RAB38: variants seen among roughly 807,000 people sequenced by gnomAD.
RAB38 encodes the protein RAB38, member RAS oncogene family, also known as ras-related protein Rab-38.
In RAB38, 15 loss-of-function variants were observed where a neutral mutation model predicts 18.4. That is an observed-to-expected ratio of 0.82 (90% CI 0.55 to 1.26). The LOEUF is 1.26. Among genes scored for constraint, RAB38 ranks in the 50% most tolerant of loss-of-function variants. The pLI, the probability that RAB38 is intolerant of heterozygous loss-of-function variation, is 0.00. For synonymous variants in RAB38, 101 were observed against 104.4 expected (o/e 0.97, Z 0.20); for missense variants, 294 against 267.4 (o/e 1.10, Z -0.69).
chr11:87,909,007 T>A, the RAB38 span, among the ~76,000 whole-genome samples: 9 of 152,130 alleles, frequency 5.9e-5, no homozygotes, highest in African/African-American at 1.9e-4. Context: ...AAGCAGAGGA[T>A]GCTTCAGTGT....
the RAB38 span, among the ~76,000 whole-genome samples, chr11:87,831,398 T>G: frequency 6.6e-6 from 1 of 152,082 alleles, no homozygotes; most frequent in African/African-American, 2.4e-5. Context: ...ACTAAATAAG[T>G]GCCAAAGAGC....
At chr11:87,881,892 A>G in the RAB38 span, among the ~76,000 whole-genome samples, 6 of 151,864 alleles carry the variant, frequency 4.0e-5, no homozygotes, top group Non-Finnish European at 8.8e-5. Context: ...CTGATGCTCA[A>G]TGAGCAAAGG....
chr11:88,169,992 C>T (rs1181549833), intron 1 of RAB38, among the ~76,000 whole-genome samples: 4 of 152,114 alleles, frequency 2.6e-5, no homozygotes, highest in Non-Finnish European at 5.9e-5. Context: ...GCTGAAGAAA[C>T]CAATCACACA....
the RAB38 span, among the ~76,000 whole-genome samples, chr11:88,004,443 A>C: frequency 6.6e-6 from 1 of 151,260 alleles, no homozygotes; most frequent in Non-Finnish European, 1.5e-5. Context: ...ATCAAAAACT[A>C]TCAGAAAACC....
chr11:87,862,311 A>G, the RAB38 span, among the ~76,000 whole-genome samples: 2 of 152,028 alleles, frequency 1.3e-5, no homozygotes, highest in South Asian at 4.1e-4. Flanking sequence ...CGTATACACC[A>G]TGGAATACTA....
intron 2 of RAB38, among the ~76,000 whole-genome samples, chr11:88,120,934 C>T (rs905144474): frequency 2.0e-5 from 3 of 152,278 alleles, no homozygotes; most frequent in South Asian, 2.1e-4. Flanking sequence ...ATCACTAATT[C>T]GCCCTGCTTT....
At chr11:87,913,652 A>T in the RAB38 span, among the ~76,000 whole-genome samples, 2 of 152,050 alleles carry the variant, frequency 1.3e-5, no homozygotes, top group South Asian at 2.1e-4. Flanking sequence ...CATGAGGGTG[A>T]ATCTCTTGTG....
At chr11:87,893,564 A>C in the RAB38 span, among the ~76,000 whole-genome samples, 1 of 151,180 alleles carries the variant, frequency 6.6e-6, no homozygotes, top group Non-Finnish European at 1.5e-5. Context: ...ATTTTTAAGC[A>C]TATGGTTCAG....
At chr11:88,126,218 T>A (rs57110363) in intron 2 of RAB38, among the ~76,000 whole-genome samples, 28,795 of 152,120 alleles carry the variant, frequency 0.19, 2,933 homozygotes, top group Middle Eastern at 0.28. Flanking sequence ...TGGTTCCATA[T>A]GAACTTTAAA....
chr11:87,852,647 C>G, the RAB38 span, among the ~76,000 whole-genome samples: 1 of 152,136 alleles, frequency 6.6e-6, no homozygotes, highest in African/African-American at 2.4e-5. Context: ...GTTATTTTCT[C>G]ATCTCTGCAT....
At chr11:88,055,406 T>C in the RAB38 span, among the ~76,000 whole-genome samples, 1 of 152,210 alleles carries the variant, frequency 6.6e-6, no homozygotes, top group East Asian at 1.9e-4. Flanking sequence ...CACAGTAACA[T>C]GAATAATATG....
At chr11:87,848,590 C>A in the RAB38 span, among the ~76,000 whole-genome samples, 1 of 152,058 alleles carries the variant, frequency 6.6e-6, no homozygotes, top group Non-Finnish European at 1.5e-5. Flanking sequence ...CAAAATCCAG[C>A]CAGTAAAAAG....
At chr11:87,938,619 G>GTTTTTTTTTTTTTTTTTT in the RAB38 span, among the ~76,000 whole-genome samples, 1 of 99,858 alleles carries the variant, frequency 1.0e-5, no homozygotes, top group African/African-American at 4.3e-5. Context: ...GCTCTTTTCC[G>GTTTTTTTTTTTTTTTTTT]TTTTTTTTTT....
At chr11:88,026,043 C>T in the RAB38 span, among the ~76,000 whole-genome samples, 5 of 152,118 alleles carry the variant, frequency 3.3e-5, no homozygotes, top group African/African-American at 1.2e-4. Flanking sequence ...TGGCTCACTG[C>T]AACCTCTGCC....
chr11:87,858,734 G>T, the RAB38 span, among the ~76,000 whole-genome samples: 3 of 151,976 alleles, frequency 2.0e-5, no homozygotes. Context: ...ATGATGGACT[G>T]GTAACAATGG....
At chr11:88,027,934 T>C in the RAB38 span, among the ~76,000 whole-genome samples, 1 of 152,068 alleles carries the variant, frequency 6.6e-6, no homozygotes, top group African/African-American at 2.4e-5. Context: ...CTCAAGTGGG[T>C]CCCTGACCCA....
the RAB38 span, among the ~76,000 whole-genome samples, chr11:87,813,347 T>C: frequency 9.3e-4 from 141 of 152,300 alleles, no homozygotes; most frequent in African/African-American, 2.8e-3. Flanking sequence ...GCGAAATCAA[T>C]TGGGCATGTT....
chr11:88,096,312 A>G, the RAB38 span, among the ~76,000 whole-genome samples: 9 of 151,696 alleles, frequency 5.9e-5, no homozygotes, highest in Non-Finnish European at 1.0e-4. Context: ...TGTTCTGTCT[A>G]TAATTGTTTT....
At chr11:87,855,674 T>C in the RAB38 span, among the ~76,000 whole-genome samples, 1 of 152,292 alleles carries the variant, frequency 6.6e-6, no homozygotes, top group East Asian at 1.9e-4. Context: ...AGCTGTCTTA[T>C]AGAATAAACA....
Sources: allele counts gnomAD v4.1 joint callset (sites outside exome capture counted in the v4.1 genomes callset), GRCh38; gene constraint gnomAD v4.1.1; transcripts MANE v1.5; gene names NCBI Gene and HGNC (gene_info 2026-07-23, HGNC 2026-07-21).